The following ZNF652 variants were observed in gnomAD, a reference collection of about 807,000 sequenced individuals.
ZNF652 encodes the protein zinc finger protein 652.
ZNF652 carries 16 observed loss-of-function variants against 45.2 expected under a neutral mutation model. The observed-to-expected ratio is 0.35, with a 90% confidence interval of 0.24 to 0.54. The LOEUF (loss-of-function observed/expected upper bound fraction) is 0.54, where lower values mean the gene tolerates loss of function less well. Ranked by LOEUF, ZNF652 falls within the 20% of genes least tolerant of loss-of-function variation. ZNF652 has a pLI of 0.91. For missense variants in ZNF652, 614 were observed against 765.6 expected (o/e 0.80, Z 2.34); for synonymous variants, 250 against 260.6 (o/e 0.96, Z 0.39).
intron 1 of ZNF652, among the ~76,000 whole-genome samples, chr17:49,359,183 C>T (rs941340799): frequency 6.6e-6 from 1 of 152,162 alleles, no homozygotes; most frequent in Non-Finnish European, 1.5e-5. Flanking sequence ...CTACTTGCAA[C>T]TTTGAAATGG....
intron 1 of ZNF652, among the ~76,000 whole-genome samples, chr17:49,332,245 G>A (rs374052147): frequency 5.9e-5 from 9 of 152,100 alleles, no homozygotes; most frequent in Non-Finnish European, 1.0e-4. Context: ...TCCAGCCTGG[G>A]GACATTGCCT....
chr17:49,320,549 A>G (rs1273079616), intron 1 of ZNF652, among the ~76,000 whole-genome samples: 1 of 152,216 alleles, frequency 6.6e-6, no homozygotes, highest in African/African-American at 2.4e-5. Flanking sequence ...AAACTCAATT[A>G]TTCTTTTAAC....
chr17:49,346,738 A>T (rs1598313943), intron 1 of ZNF652, among the ~76,000 whole-genome samples: 1 of 152,228 alleles, frequency 6.6e-6, no homozygotes, highest in East Asian at 1.9e-4. Context: ...TATCACATCA[A>T]AATGTATACA....
rs769058616 is a variant in ZNF652, at chr17:49,298,957, A to G, written c.1310-33T>C. On this transcript the variant is annotated intron_variant, in intron 5 of 5. Coordinates refer to ENST00000430262, the MANE Select transcript of ZNF652 (RefSeq NM_001145365.3). ...GAACACAGACATAAAAATGATTAAC[A>G]TATTAGGTGGTAATTGTGTGCTCAA... 61 of 1,567,606 alleles carry G rather than the reference A, an allele frequency of 3.9e-5. 1 individual carries two copies. The South Asian group carries it at 6.3e-4, about 16-fold the overall frequency.
At chr17:49,344,815 T>C (rs1041440784) in intron 1 of ZNF652, among the ~76,000 whole-genome samples, 5 of 151,986 alleles carry the variant, frequency 3.3e-5, no homozygotes, top group South Asian at 2.1e-4. Context: ...GCCACCACGC[T>C]GGCCCATCAA....
intron 1 of ZNF652, among the ~76,000 whole-genome samples, chr17:49,329,803 C>A (rs531281756): frequency 6.6e-6 from 1 of 152,180 alleles, no homozygotes; most frequent in Non-Finnish European, 1.5e-5. Flanking sequence ...AAAGGAGAGA[C>A]GCACTCTTCC....
rs1202969597 is a variant in ZNF652 at position 49,292,470 on chromosome 17, G to A, written c.*5943C>T. ...GAAAAAGTAAACAGAAGTTTTTGAGGGACAGGGCCATGAGAGAGCAGAAAC... is the reference window on the plus strand; with the variant it reads ...GAAAAAGTAAACAGAAGTTTTTGAGAGACAGGGCCATGAGAGAGCAGAAAC... On this transcript the variant is annotated 3_prime_UTR_variant, in exon 6 of 6. Coordinates refer to ENST00000430262, the MANE Select transcript of ZNF652 (RefSeq NM_001145365.3). Among the ~76,000 whole-genome samples the A allele has an allele frequency of 6.6e-6, 1 of 152,054 alleles. No homozygotes were observed. The highest frequency in any genetic ancestry group is 1.5e-5 in the Non-Finnish European group (1 of 68,008).
chr17:49,326,956 C>T (rs1343790181), intron 1 of ZNF652, among the ~76,000 whole-genome samples: 1 of 152,034 alleles, frequency 6.6e-6, no homozygotes, highest in East Asian at 1.9e-4. Flanking sequence ...GAGCCTGATG[C>T]CATGATTTGA....
At chr17:49,357,562 T>C (rs1469218370) in intron 1 of ZNF652, among the ~76,000 whole-genome samples, 1 of 152,186 alleles carries the variant, frequency 6.6e-6, no homozygotes, top group Non-Finnish European at 1.5e-5. Context: ...TAAGTATTTT[T>C]AAAAATCAAA....
At chr17:49,337,521 T>G (rs1175467068) in intron 1 of ZNF652, among the ~76,000 whole-genome samples, 2 of 152,102 alleles carry the variant, frequency 1.3e-5, no homozygotes, top group African/African-American at 4.8e-5. Context: ...AGAGACTGAT[T>G]ACTAGGGTTT....
chr17:49,319,448 C>T (rs146376399), intron 1 of ZNF652, among the ~76,000 whole-genome samples: 295 of 151,702 alleles, frequency 1.9e-3, no homozygotes, highest in Middle Eastern at 3.4e-3. Context: ...TCCTGGCCAA[C>T]GTGGTGAAAC....
intron 1 of ZNF652, among the ~76,000 whole-genome samples, chr17:49,320,139 TA>T (rs1267270394): frequency 2.0e-5 from 3 of 152,156 alleles, no homozygotes; most frequent in Middle Eastern, 6.3e-3. Flanking sequence ...TCCCAATAGT[TA>T]TATCACAACT....
Position 49,294,888 on chromosome 17 carries a change from A to G in ZNF652, c.*3525T>C, listed in dbSNP as rs1312527554. On this transcript the variant is annotated 3_prime_UTR_variant, in exon 6 of 6. Transcript: ENST00000430262. Reference sequence around the variant, plus strand: ...CCATAATTCTTTTTTTCATAAACAGATAACAAGTAGGTAAAAAGTTTTGAA... The same window carrying G: ...CCATAATTCTTTTTTTCATAAACAGGTAACAAGTAGGTAAAAAGTTTTGAA... 3 of 152,206 alleles carry G rather than the reference A, an allele frequency of 2.0e-5. No individual in the cohort carries two copies. Among genetic ancestry groups the G allele is most frequent in the Admixed American group, 1.3e-4 (2 of 15,266 alleles). 9.4% of individuals were successfully genotyped at this position (152,206 alleles called of 1,614,324 possible). A position where few individuals can be genotyped will look rare whatever the true frequency, so the allele number is the denominator to read the frequency against.
rs1294836924 is a variant in ZNF652 at position 49,330,888 on chromosome 17, TAAAA to T, written c.-258-12909_-258-12906del. Among the ~76,000 whole-genome samples, 40 of 138,854 alleles carry T rather than the reference TAAAA, an allele frequency of 2.9e-4. No homozygotes were observed. In the South Asian group the frequency reaches 9.7e-3, roughly 34 times the overall value. The allele number at this position is 138,854 out of a possible 152,430, so 91.1% of individuals were successfully genotyped here. Reference sequence around the variant, plus strand: ...CAACATGGAGAAACCCTGTCTCTACTAAAACAAACAAACAAACAAACAAAAACCA... The same window carrying T: ...CAACATGGAGAAACCCTGTCTCTACTCAAACAAACAAACAAACAAAAACCA... On this transcript the variant is annotated intron_variant, in intron 1 of 5. Transcript: ENST00000430262.
chr17:49,301,689 T>C (rs1415825282), intron 5 of ZNF652, among the ~76,000 whole-genome samples: 1 of 152,196 alleles, frequency 6.6e-6, no homozygotes, highest in African/African-American at 2.4e-5. Context: ...TGAGCCCAGA[T>C]TGTTTTCCTT....
rs769150802 is a variant in ZNF652 at position 49,317,437 on chromosome 17, G to A, written c.289C>T (p.Arg97Trp). The A allele has an allele frequency of 4.3e-6, 7 of 1,613,910 alleles. No individual in the cohort carries two copies. The highest frequency in any genetic ancestry group is 1.6e-4 in the Middle Eastern group (1 of 6,062). ...TCCTCTGTGTCATCAGAATTCTCCC[G>A]GTCTTCCTTAACAGCATGCACGTCA... Reference protein sequence around the residue: ...VSDVHAVKEDRENSDDTEEEE... With the variant: ...VSDVHAVKEDWENSDDTEEEE... The change falls in exon 2 of 6, where the codon CGG becomes TGG. Residue 97 changes from arginine to tryptophan, a missense_variant. Around this residue, in one of 5 missense-constraint regions of ZNF652, gnomAD observed 133 missense variants for 132.2 expected, o/e 1.01. Transcript: ENST00000430262.
chr17:49,332,319 G>T (rs2070033755), intron 1 of ZNF652, among the ~76,000 whole-genome samples: 1 of 152,118 alleles, frequency 6.6e-6, no homozygotes. Context: ...TAAACCAAGA[G>T]GTATGAATAA....
chr17:49,353,843 T>G (rs1266904029), intron 1 of ZNF652, among the ~76,000 whole-genome samples: 2 of 152,184 alleles, frequency 1.3e-5, no homozygotes, highest in East Asian at 3.8e-4. Context: ...GTTCTAGATT[T>G]AGAACAGTCC....
Position 49,311,478 on chromosome 17 carries a change from T to C in ZNF652, c.1165-22A>G, listed in dbSNP as rs751669556. The C allele has an allele frequency of 2.5e-6, 4 of 1,606,768 alleles. No homozygotes were observed. In the Admixed American group the frequency reaches 6.7e-5, roughly 27 times the overall value. On this transcript the variant is annotated intron_variant, in intron 4 of 5. Transcript: ENST00000430262. ...AGTTCTGCATTGGATACAGTGGAGA[T>C]TTTTGAATGCCAAGCATAGTAGCTT...
Sources: gnomAD v4.1 joint callset for allele counts (sites outside exome capture counted in the v4.1 genomes callset) on GRCh38, gnomAD v4.1.1 for gene constraint, gnomAD v4.1.1 regional missense constraint, MANE v1.5 for transcripts, NCBI Gene and HGNC (gene_info 2026-07-23, HGNC 2026-07-21) for gene names.